Variants in UFSP2 observed in about 807,000 individuals in gnomAD.
UFSP2 encodes UFM1 specific peptidase 2, also known as ufm1-specific protease 2.
Under a neutral mutation model 60.2 loss-of-function variants are expected in UFSP2, and 43 were observed. The ratio of observed to expected loss-of-function variants is 0.71; its 90% CI spans 0.56 to 0.92. The LOEUF (loss-of-function observed/expected upper bound fraction) is 0.92, where lower values mean the gene tolerates loss of function less well. Among genes scored for constraint, UFSP2 ranks in the 40% least tolerant of loss-of-function variants. UFSP2 has a pLI of 0.00. For synonymous variants in UFSP2, 183 were observed against 195.1 expected (o/e 0.94, Z 0.52); for missense variants, 520 against 575.0 (o/e 0.90, Z 0.98).
chr4:185,403,784 C>T (rs1385231445), intron 10 of UFSP2, among the ~76,000 whole-genome samples, 166 bp from the exon 11 acceptor site: 1 of 151,750 alleles, frequency 6.6e-6, no homozygotes. Flanking sequence ...ACCATCCTGG[C>T]TAATGCAGTG....
chr4:185,418,314 T>G (rs563170530), intron 4 of UFSP2, 127 bp downstream of exon 4: 3 of 687,214 alleles, frequency 4.4e-6, no homozygotes, highest in Non-Finnish European at 6.9e-6. Context: ...GGCAAGTCAT[T>G]TAATCTTTTT....
intron 7 of UFSP2, among the ~76,000 whole-genome samples, chr4:185,410,066 A>T (rs1438656773): frequency 6.6e-6 from 1 of 152,230 alleles, no homozygotes; most frequent in Admixed American, 6.5e-5. Flanking sequence ...GGGAACAAAT[A>T]CAAGTTTCAA....
intron 10 of UFSP2, among the ~76,000 whole-genome samples, chr4:185,404,293 GTTT>G (rs70962562): frequency 8.7e-5 from 7 of 80,460 alleles, no homozygotes; most frequent in East Asian, 4.2e-4. Flanking sequence ...CATTCATTAA[GTTT>G]TTTTTTTTTT....
chr4:185,403,893 C>T (rs1169616592), intron 10 of UFSP2, among the ~76,000 whole-genome samples: 1 of 148,462 alleles, frequency 6.7e-6, no homozygotes, highest in Non-Finnish European at 1.5e-5. Context: ...ATGGCATGAA[C>T]CTGGGAGACG....
intron 2 of UFSP2, among the ~76,000 whole-genome samples, chr4:185,419,181 G>A (rs1415039525): frequency 1.3e-5 from 2 of 151,870 alleles, no homozygotes; most frequent in Non-Finnish European, 2.9e-5. Context: ...GCCCAGGCTG[G>A]AGTGCAGTGG....
rs372010732 is a variant in UFSP2, at chr4:185,399,728, G to A, written c.*664C>T. 22 of 1,614,136 alleles carry A rather than the reference G, an allele frequency of 1.4e-5. No homozygotes were observed. Among genetic ancestry groups the A allele is most frequent in the South Asian group, 3.3e-5 (3 of 91,076 alleles). ...TGTGTTGCCGTGCTCAGACAGAAAC[G>A]GAGTCTCGGAAGTGTAGAAAATACC... On this transcript the variant is annotated 3_prime_UTR_variant, in exon 12 of 12. Coordinates refer to ENST00000264689, the MANE Select transcript of UFSP2 (RefSeq NM_018359.5).
chr4:185,419,460 A>AC (rs2095545588), intron 2 of UFSP2, among the ~76,000 whole-genome samples: 1 of 152,138 alleles, frequency 6.6e-6, no homozygotes, highest in Admixed American at 6.5e-5. Context: ...TGCACATGGT[A>AC]CCCCATGGCC....
chr4:185,412,874 T>C (rs971199124), intron 7 of UFSP2, among the ~76,000 whole-genome samples: 1 of 152,196 alleles, frequency 6.6e-6, no homozygotes, highest in Non-Finnish European at 1.5e-5. Flanking sequence ...CCTTTCTCAC[T>C]GGCCTCCATG....
rs555809622 is a variant in UFSP2, at chr4:185,400,334, A to ATTCT, written c.*54_*57dup. 7.6e-5 allele frequency: 102 copies of ATTCT among 1,338,584 alleles called. 1 individual carries two copies. In the African/African-American group the frequency reaches 1.4e-3, roughly 19 times the overall value. 82.9% of individuals were successfully genotyped at this position (1,338,584 alleles called of 1,614,324 possible). A position where few individuals can be genotyped will look rare whatever the true frequency, so the allele number is the denominator to read the frequency against. ...GGATTTAATGTGAAAAATTAAACTG[A>ATTCT]TTCTTTATTCACAAATTTATAATAC... On this transcript the variant is annotated 3_prime_UTR_variant, in exon 12 of 12. Coordinates refer to ENST00000264689, the MANE Select transcript of UFSP2 (RefSeq NM_018359.5).
chr4:185,414,428 T>C (rs3797030), intron 6 of UFSP2, among the ~76,000 whole-genome samples: 137,096 of 152,202 alleles, frequency 0.9, 61,867 homozygotes, highest in East Asian at 0.99. Context: ...GTAATAGGTA[T>C]TTTAAAAAGT....
At position 185,406,079 on chromosome 4, in the gene UFSP2, C is replaced by A. The variant is rs11941135; in HGVS notation, c.1122-223G>T. On this transcript the variant is annotated intron_variant, in intron 9 of 11. Coordinates refer to ENST00000264689, the MANE Select transcript of UFSP2 (RefSeq NM_018359.5). ...AGGCCACCAAGTGTGCTAGATAAGA[C>A]GCTAAAAGACCTTGATTTTCTGCTT... 9.9e-6 allele frequency: 9 copies of A among 908,724 alleles called. No individual in the cohort carries two copies. The Admixed American group carries it at 2.2e-4, about 22-fold the overall frequency. The allele number at this position is 908,724 out of a possible 1,614,324, so 56.3% of individuals were successfully genotyped here.
At chr4:185,409,510 A>C (rs1212164702) in intron 7 of UFSP2, among the ~76,000 whole-genome samples, 1 of 152,074 alleles carries the variant, frequency 6.6e-6, no homozygotes, top group Non-Finnish European at 1.5e-5. Flanking sequence ...GATATTTTTA[A>C]AAAATTAAGT....
At position 185,425,376 on chromosome 4, in the gene UFSP2, A is replaced by T. The variant is rs899226504; in HGVS notation, c.3+490T>A. Among the ~76,000 whole-genome samples, 3 of 152,082 alleles carry T rather than the reference A, an allele frequency of 2.0e-5. No homozygotes were observed. The East Asian group carries it at 5.8e-4, about 29-fold the overall frequency. On this transcript the variant is annotated intron_variant, in intron 1 of 11. Coordinates refer to ENST00000264689, the MANE Select transcript of UFSP2 (RefSeq NM_018359.5). ...GATTTGTGGGTCTGGAGCTCAGAAG[A>T]AAGGTCTAACTTAGAGATAAAATTT...
At chr4:185,410,729 GAGGTC>G (rs2095527758) in intron 7 of UFSP2, among the ~76,000 whole-genome samples, 1 of 150,938 alleles carries the variant, frequency 6.6e-6, no homozygotes, top group Admixed American at 6.6e-5. Context: ...GGCAGATCAC[GAGGTC>G]AGGAGTTTGA....
chr4:185,399,992 A>G lies in UFSP2; in HGVS notation c.*400T>C. 1 of 1,598,930 alleles carries G rather than the reference A, an allele frequency of 6.3e-7. No individual in the cohort carries two copies. ...AAACTCTTTTTAAAAAAAAGTTTTT[A>G]ATGTTAACGTGTTTTTAAAAACAGA... is the stretch of plus-strand genomic sequence containing the variant. On this transcript the variant is annotated 3_prime_UTR_variant, in exon 12 of 12. Transcript: ENST00000264689.
chr4:185,399,977 TA>T lies in UFSP2; in HGVS notation c.*414del, dbSNP rs750447443. On this transcript the variant is annotated 3_prime_UTR_variant, in exon 12 of 12. Coordinates refer to ENST00000264689, the MANE Select transcript of UFSP2 (RefSeq NM_018359.5). ...GGAAGTTTGGGGATAAAACTCTTTT[TA>T]AAAAAAAGTTTTTAATGTTAACGTG... is the stretch of plus-strand genomic sequence containing the variant. 3.1e-6 allele frequency: 5 copies of T among 1,594,666 alleles called. No individual in the cohort carries two copies. The highest frequency in any genetic ancestry group is 2.3e-5 in the South Asian group (2 of 87,042).
chr4:185,419,516 A>G (rs957126056), intron 2 of UFSP2, among the ~76,000 whole-genome samples: 9 of 152,246 alleles, frequency 5.9e-5, no homozygotes, highest in African/African-American at 2.2e-4. Context: ...ATCCCATTCA[A>G]TCCACTTACT....
At chr4:185,425,565 T>C (rs2095558227) in intron 1 of UFSP2, among the ~76,000 whole-genome samples, 1 of 152,182 alleles carries the variant, frequency 6.6e-6, no homozygotes, top group African/African-American at 2.4e-5. Flanking sequence ...CTGTCCCAGG[T>C]TAAGCCCTTC....
At chr4:185,401,229 C>T (rs1279004775) in intron 11 of UFSP2, among the ~76,000 whole-genome samples, 3 of 152,110 alleles carry the variant, frequency 2.0e-5, no homozygotes, top group Non-Finnish European at 2.9e-5. Flanking sequence ...ATAAGATACA[C>T]GTTGTCAAAA....
Sources: allele counts gnomAD v4.1 joint callset (sites outside exome capture counted in the v4.1 genomes callset), GRCh38; gene constraint gnomAD v4.1.1; transcripts MANE v1.5; gene names NCBI Gene and HGNC (gene_info 2026-07-23, HGNC 2026-07-21).